FAM171A1: variants seen among roughly 807,000 people sequenced by gnomAD.
FAM171A1 encodes family with sequence similarity 171 member A1, also known as protein FAM171A1.
FAM171A1 carries 23 observed loss-of-function variants against 74.9 expected under a neutral mutation model. The observed-to-expected ratio is 0.31, with a 90% CI of 0.22 to 0.44. The LOEUF is 0.44. Among genes scored for constraint, FAM171A1 ranks in the 20% least tolerant of loss-of-function variants. The pLI is 1.00. For synonymous variants in FAM171A1, 527 were observed against 505.7 expected (o/e 1.04, Z -0.57); for missense variants, 1,162 against 1,159.2 (o/e 1.00, Z -0.03).
At chr10:15,323,461 A>C (rs941766661) in intron 1 of FAM171A1, among the ~76,000 whole-genome samples, 65 of 152,258 alleles carry the variant, frequency 4.3e-4, no homozygotes, top group African/African-American at 1.5e-3. Context: ...CTCAAAAATA[A>C]ATACATACAT....
At chr10:15,245,862 C>T (rs2131753604) in intron 5 of FAM171A1, among the ~76,000 whole-genome samples, 1 of 152,380 alleles carries the variant, frequency 6.6e-6, no homozygotes, top group East Asian at 1.9e-4. Context: ...GTGGGACTCA[C>T]AGTTTTATAA....
chr10:15,225,097 T>C (rs1451615523), intron 5 of FAM171A1, among the ~76,000 whole-genome samples: 1 of 152,244 alleles, frequency 6.6e-6, no homozygotes, highest in African/African-American at 2.4e-5. Context: ...ACACGTTGCC[T>C]TCCGTGGCTA....
intron 1 of FAM171A1, among the ~76,000 whole-genome samples, chr10:15,307,557 A>C (rs1835311312): frequency 6.7e-6 from 1 of 149,964 alleles, no homozygotes; most frequent in Non-Finnish European, 1.5e-5. Flanking sequence ...GAGGCAGGAG[A>C]ATCGCTTGTA....
At chr10:15,257,830 T>C (rs1014434519) in intron 3 of FAM171A1, among the ~76,000 whole-genome samples, 1 of 152,094 alleles carries the variant, frequency 6.6e-6, no homozygotes, top group Admixed American at 6.5e-5. Flanking sequence ...AATCGAAAGA[T>C]GGTATGCATG....
intron 1 of FAM171A1, among the ~76,000 whole-genome samples, chr10:15,316,066 A>G (rs1310931267): frequency 6.6e-6 from 1 of 152,130 alleles, no homozygotes; most frequent in Non-Finnish European, 1.5e-5. Context: ...TTTAGCACAT[A>G]ATTATTTTCC....
At position 15,248,657 on chromosome 10, in the gene FAM171A1, G is replaced by A. The variant is rs775763401; in HGVS notation, c.736C>T (p.Arg246Trp). The A allele has an allele frequency of 6.2e-6, 10 of 1,607,890 alleles. No homozygotes were observed. Among genetic ancestry groups the A allele is most frequent in the African/African-American group, 1.3e-5 (1 of 74,784 alleles). The change falls in exon 5 of 8, where the codon CGG becomes TGG. Residue 246 changes from arginine (R) to tryptophan (W), a missense_variant. Transcript: ENST00000378116. ...LRHNAYVAAWRFDQKLGTWLK... is the reference protein window; with the variant it reads ...LRHNAYVAAWWFDQKLGTWLK... ...TGCTTACCCAGCTTCTGGTCAAACC[G>A]CCACGCCGCGACATAGGCATTGTGC...
intron 7 of FAM171A1, among the ~76,000 whole-genome samples, chr10:15,215,353 C>T (rs778189179): frequency 6.6e-6 from 1 of 152,036 alleles, no homozygotes; most frequent in African/African-American, 2.4e-5. Flanking sequence ...TAAACAGACA[C>T]GGCATCTAAA....
At chr10:15,255,418 T>TGG (rs1834566673) in intron 3 of FAM171A1, among the ~76,000 whole-genome samples, 1 of 152,216 alleles carries the variant, frequency 6.6e-6, no homozygotes, top group Admixed American at 6.5e-5. Flanking sequence ...CTTCTCTTTC[T>TGG]GTGGGAGCTG....
chr10:15,272,373 G>A (rs1834837516), intron 3 of FAM171A1, among the ~76,000 whole-genome samples: 2 of 152,096 alleles, frequency 1.3e-5, no homozygotes, highest in Non-Finnish European at 2.9e-5. Flanking sequence ...CCCAACACAG[G>A]AGCATCCAGA....
intron 1 of FAM171A1, among the ~76,000 whole-genome samples, chr10:15,356,267 C>G (rs970907683): frequency 6.6e-6 from 1 of 150,890 alleles, no homozygotes; most frequent in Non-Finnish European, 1.5e-5. Context: ...TAAATCTGCC[C>G]TCAAAATGGC....
upstream of FAM171A1, among the ~76,000 whole-genome samples, chr10:15,373,492 T>C (rs565384566): frequency 6.6e-6 from 1 of 152,294 alleles, no homozygotes; most frequent in South Asian, 2.1e-4. Context: ...GAGAATAAAT[T>C]TTATGCAAAT....
chr10:15,231,733 T>C (rs905300168), intron 5 of FAM171A1, among the ~76,000 whole-genome samples: 13 of 152,120 alleles, frequency 8.5e-5, no homozygotes, highest in South Asian at 2.1e-4. Flanking sequence ...ATTTCTGATA[T>C]ATTCAAGAAG....
chr10:15,294,661 C>T (rs1835140261), intron 1 of FAM171A1, among the ~76,000 whole-genome samples: 1 of 152,210 alleles, frequency 6.6e-6, no homozygotes, highest in Non-Finnish European at 1.5e-5. Context: ...AACTAAACAT[C>T]ATCTTTCAGT....
chr10:15,343,111 T>C (rs1835783245), intron 1 of FAM171A1, among the ~76,000 whole-genome samples: 1 of 152,222 alleles, frequency 6.6e-6, no homozygotes, highest in African/African-American at 2.4e-5. Flanking sequence ...CCAGACCAAG[T>C]GCTTAGAATC....
chr10:15,257,495 G>GT (rs1264911713), intron 3 of FAM171A1, among the ~76,000 whole-genome samples: 2 of 152,166 alleles, frequency 1.3e-5, no homozygotes, highest in African/African-American at 2.4e-5. Context: ...AGCAGATCAA[G>GT]TGTTACATGC....
At chr10:15,263,124 CG>C (rs1254485408) in intron 3 of FAM171A1, among the ~76,000 whole-genome samples, 1 of 152,190 alleles carries the variant, frequency 6.6e-6, no homozygotes, top group Non-Finnish European at 1.5e-5. Context: ...TGGTGCCAGT[CG>C]GCCCGATGAC....
At chr10:15,231,782 C>A (rs986325762) in intron 5 of FAM171A1, among the ~76,000 whole-genome samples, 4 of 152,112 alleles carry the variant, frequency 2.6e-5, no homozygotes, top group Non-Finnish European at 4.4e-5. Context: ...CAGGAGTCAG[C>A]GCACTCAAAT....
intron 1 of FAM171A1, among the ~76,000 whole-genome samples, chr10:15,358,723 A>G (rs1270898704): frequency 6.6e-6 from 1 of 152,230 alleles, no homozygotes; most frequent in Non-Finnish European, 1.5e-5. Flanking sequence ...AAAGATGCTC[A>G]AGGTTGCTTT....
chr10:15,233,032 C>T (rs780062174), intron 5 of FAM171A1, among the ~76,000 whole-genome samples: 11 of 152,220 alleles, frequency 7.2e-5, no homozygotes, highest in Non-Finnish European at 1.0e-4. Context: ...CAGTGGCTCA[C>T]GCCTGTAATC....
Sources: allele counts gnomAD v4.1 joint callset (sites outside exome capture counted in the v4.1 genomes callset), GRCh38; gene constraint gnomAD v4.1.1; transcripts MANE v1.5; gene names NCBI Gene and HGNC (gene_info 2026-07-23, HGNC 2026-07-21).